The following INPP4B variants were observed in gnomAD, a reference collection of about 807,000 sequenced individuals.
The protein encoded by INPP4B is inositol polyphosphate 4-phosphatase type II.
Under a neutral mutation model 122.5 loss-of-function variants are expected in INPP4B, and 55 were observed. The observed-to-expected ratio is 0.45, with a 90% confidence interval of 0.36 to 0.56. INPP4B has a LOEUF of 0.56. INPP4B is among the 20% of genes least tolerant of loss of function. The pLI, the probability that INPP4B is intolerant of heterozygous loss-of-function variation, is 0.00. For synonymous variants in INPP4B, 403 were observed against 388.7 expected, an observed-to-expected ratio of 1.04 and a Z score of -0.43; for missense variants, 1,000 against 1,097.7, an observed-to-expected ratio of 0.91 and a Z score of 1.26.
intron 11 of INPP4B, among the ~76,000 whole-genome samples, chr4:142,248,614 C>T (rs1419800187): frequency 1.4e-5 from 2 of 142,144 alleles, no homozygotes; most frequent in Non-Finnish European, 3.1e-5. Context: ...GCTGGGATTT[C>T]TCTCTCACTC....
intron 2 of INPP4B, among the ~76,000 whole-genome samples, chr4:142,700,931 T>C (rs1580733229): frequency 6.6e-6 from 1 of 152,204 alleles, no homozygotes. Context: ...GAACACATTA[T>C]GGTTAAGATC....
intron 1 of INPP4B, among the ~76,000 whole-genome samples, chr4:142,807,795 A>G (rs1779039448): frequency 8.1e-6 from 1 of 124,052 alleles, no homozygotes; most frequent in African/African-American, 3.8e-5. Context: ...AGCTGTAAGA[A>G]TAAGAGTGTA....
intron 7 of INPP4B, among the ~76,000 whole-genome samples, chr4:142,326,675 C>T (rs745703158): frequency 1.3e-5 from 2 of 152,116 alleles, no homozygotes; most frequent in Non-Finnish European, 2.9e-5. Flanking sequence ...GCATTAGACC[C>T]GGATGGTGAT....
At chr4:142,404,871 G>A (rs1474974691) in intron 6 of INPP4B, among the ~76,000 whole-genome samples, 6 of 151,348 alleles carry the variant, frequency 4.0e-5, no homozygotes, top group South Asian at 2.1e-4. Flanking sequence ...TTTATTCTAT[G>A]CTCTATATGA....
At chr4:142,690,085 A>G (rs1759947557) in intron 2 of INPP4B, among the ~76,000 whole-genome samples, 1 of 152,174 alleles carries the variant, frequency 6.6e-6, no homozygotes, top group African/African-American at 2.4e-5. Context: ...TATTTTACCA[A>G]AAAGAGATCT....
At chr4:142,323,677 C>T (rs1428391845) in intron 7 of INPP4B, among the ~76,000 whole-genome samples, 2 of 151,814 alleles carry the variant, frequency 1.3e-5, no homozygotes, top group Non-Finnish European at 2.9e-5. Flanking sequence ...AATCTCCTGA[C>T]CTTGTGATCT....
At chr4:142,106,275 A>ATGTTGT (rs757634326) in intron 23 of INPP4B, among the ~76,000 whole-genome samples, 3 of 152,266 alleles carry the variant, frequency 2.0e-5, no homozygotes, top group East Asian at 3.9e-4. Flanking sequence ...ATAGAATCAC[A>ATGTTGT]TGTTGTTGTT....
At chr4:142,339,281 TCTGA>T (rs1481586564) in intron 7 of INPP4B, among the ~76,000 whole-genome samples, 1 of 152,194 alleles carries the variant, frequency 6.6e-6, no homozygotes, top group African/African-American at 2.4e-5. Flanking sequence ...CTACTGGGAC[TCTGA>T]CTGATACAGA....
intron 7 of INPP4B, among the ~76,000 whole-genome samples, chr4:142,373,846 A>C (rs1790820566): frequency 6.6e-6 from 1 of 152,000 alleles, no homozygotes; most frequent in Admixed American, 6.6e-5. Context: ...AAAGCAAACA[A>C]ACAAAAAGCA....
chr4:142,701,905 G>C (rs960084066), intron 2 of INPP4B, among the ~76,000 whole-genome samples: 1 of 152,102 alleles, frequency 6.6e-6, no homozygotes, highest in Non-Finnish European at 1.5e-5. Flanking sequence ...TAGATATTTT[G>C]ATGTCTACTA....
intron 2 of INPP4B, among the ~76,000 whole-genome samples, chr4:142,597,876 C>G (rs1739048523): frequency 6.6e-6 from 1 of 151,980 alleles, no homozygotes. Flanking sequence ...GTTCCCAACT[C>G]CACAGAAAAT....
intron 14 of INPP4B, among the ~76,000 whole-genome samples, chr4:142,200,222 G>T (rs1299794771): frequency 6.6e-6 from 1 of 151,748 alleles, no homozygotes; most frequent in Admixed American, 6.6e-5. Context: ...TGTTTTGGGA[G>T]CGCCTTAAGG....
At chr4:142,752,780 A>G (rs77537671) in intron 1 of INPP4B, among the ~76,000 whole-genome samples, 3,091 of 152,184 alleles carry the variant, frequency 0.02, 103 homozygotes, top group African/African-American at 0.069. Context: ...GGAAGACCAG[A>G]TGTGTCTTCT....
At chr4:142,653,189 G>T (rs533582940) in intron 2 of INPP4B, among the ~76,000 whole-genome samples, 2 of 152,220 alleles carry the variant, frequency 1.3e-5, no homozygotes, top group East Asian at 3.9e-4. Flanking sequence ...GCTGAAACTG[G>T]ATCCCTTCCT....
chr4:142,273,794 C>T (rs925648553), intron 9 of INPP4B, among the ~76,000 whole-genome samples: 1 of 151,788 alleles, frequency 6.6e-6, no homozygotes, highest in South Asian at 2.1e-4. Flanking sequence ...TTTTTACATG[C>T]CCTAAAGCAT....
intron 11 of INPP4B, among the ~76,000 whole-genome samples, chr4:142,246,862 C>T (rs920807875): frequency 6.6e-6 from 1 of 152,136 alleles, no homozygotes; most frequent in African/African-American, 2.4e-5. Flanking sequence ...AGAGGGCATC[C>T]TTGACTTGTG....
intron 14 of INPP4B, among the ~76,000 whole-genome samples, chr4:142,198,183 T>A (rs1006379369): frequency 6.6e-6 from 1 of 152,088 alleles, no homozygotes; most frequent in Non-Finnish European, 1.5e-5. Flanking sequence ...TATATTATCC[T>A]AATCTTTATT....
At chr4:142,075,523 T>A (rs891851429) in intron 25 of INPP4B, among the ~76,000 whole-genome samples, 2 of 152,056 alleles carry the variant, frequency 1.3e-5, no homozygotes, top group Admixed American at 1.3e-4. Context: ...AATTTAAGCC[T>A]TTTAGAAACC....
intron 1 of INPP4B, among the ~76,000 whole-genome samples, chr4:142,755,989 A>G (rs984182735): frequency 2.0e-5 from 3 of 151,982 alleles, no homozygotes; most frequent in African/African-American, 7.2e-5. Flanking sequence ...AAATACTCCA[A>G]TGGCCTTATC....
Sources: allele counts gnomAD v4.1 joint callset (sites outside exome capture counted in the v4.1 genomes callset), GRCh38; gene constraint gnomAD v4.1.1; transcripts MANE v1.5; gene names NCBI Gene and HGNC (gene_info 2026-07-23, HGNC 2026-07-21).